Variants in KCNJ9 observed in about 807,000 individuals in gnomAD.
The protein encoded by KCNJ9 is potassium inwardly rectifying channel subfamily J member 9, also known as G protein-activated inward rectifier potassium channel 3.
KCNJ9 carries 18 observed loss-of-function variants against 27.9 expected under a neutral mutation model. That is an observed-to-expected ratio of 0.65 (90% CI 0.45 to 0.96). The LOEUF (loss-of-function observed/expected upper bound fraction) is 0.96, where lower values mean the gene tolerates loss of function less well. Ranked by LOEUF, KCNJ9 falls within the 40% of genes least tolerant of loss-of-function variation. The pLI is 0.00. For synonymous variants in KCNJ9, 229 were observed against 248.2 expected (o/e 0.92, Z 0.73); for missense variants, 324 against 557.5 (o/e 0.58, Z 4.22).
chr1:160,085,394 C>A (rs1038870927), intron 2 of KCNJ9, among the ~76,000 whole-genome samples: 35 of 152,278 alleles, frequency 2.3e-4, no homozygotes, highest in African/African-American at 7.9e-4. Flanking sequence ...TTAGTGGTCC[C>A]GAGTTGGAAG....
In KCNJ9 at chr1:160,084,955, G is replaced by C; in HGVS notation, c.850+75G>C. The stretch of plus-strand genomic sequence containing the variant: ...ACCGAGGAAGGCAGGGGCGAGACTA[G>C]GGGCCAGGGGAGCTGGGGAGGATGG... On this transcript the variant is annotated intron_variant, in intron 2 of 2. Coordinates refer to ENST00000368088, the MANE Select transcript of KCNJ9 (RefSeq NM_004983.3). 2.1e-6 allele frequency: 3 copies of C among 1,423,870 alleles called. No homozygotes were observed. The African/African-American group carries it at 4.3e-5, about 20-fold the overall frequency. The allele number at this position is 1,423,870 out of a possible 1,614,324, so 88.2% of individuals were successfully genotyped here.
intron 1 of KCNJ9, 122 bp downstream of exon 1, chr1:160,081,819 C>T (rs1570944678): frequency 6.6e-6 from 1 of 152,284 alleles, no homozygotes; most frequent in East Asian, 1.9e-4. Context: ...AATGAGCCCC[C>T]TTACTCCCCA....
chr1:160,087,308 AC>A (rs1649792886), intron 2 of KCNJ9, among the ~76,000 whole-genome samples, 177 bp from the exon 3 acceptor site: 1 of 152,092 alleles, frequency 6.6e-6, no homozygotes, highest in East Asian at 1.9e-4. Flanking sequence ...TGGAGAAGAC[AC>A]GAGGGAGCTG....
At chr1:160,082,622 G>A (rs774488638) in intron 1 of KCNJ9, among the ~76,000 whole-genome samples, 3 of 152,150 alleles carry the variant, frequency 2.0e-5, no homozygotes, top group Non-Finnish European at 4.4e-5. Context: ...CCCAGGACCT[G>A]GTCAACCATC....
intron 2 of KCNJ9, 64 bp from the exon 3 acceptor site, chr1:160,087,422 G>C (rs946320373): frequency 6.5e-6 from 10 of 1,531,320 alleles, no homozygotes; most frequent in Non-Finnish European, 8.8e-6. Context: ...TAGGGTTGTG[G>C]AATGAGAAGA....
intron 2 of KCNJ9, among the ~76,000 whole-genome samples, chr1:160,085,560 A>ATT (rs1162244589): frequency 2.0e-5 from 3 of 152,274 alleles, no homozygotes; most frequent in Admixed American, 2.0e-4. Flanking sequence ...CAATTCATCC[A>ATT]TTTCCACTGA....
chr1:160,087,697 C>A lies in KCNJ9; in HGVS notation c.1062C>A (p.Pro354=). The A allele has an allele frequency of 6.9e-7, 1 of 1,456,960 alleles. No individual in the cohort carries two copies. 90.3% of individuals were successfully genotyped at this position (1,456,960 alleles called of 1,614,324 possible). Reference sequence around the variant, plus strand: ...ATGCCCATCTCTACTGGTCCATCCCCAGCCGGCTGGATGAGAAGGTGGAGG... The same window carrying A: ...ATGCCCATCTCTACTGGTCCATCCCAAGCCGGCTGGATGAGAAGGTGGAGG... ...RLDAHLYWSI[P]SRLDEKVEEE... is the part of the protein sequence containing the mutation. Residue 354 remains proline (P), a synonymous_variant, in exon 3 of 3, where the codon CCC becomes CCA. Coordinates refer to ENST00000368088, the MANE Select transcript of KCNJ9 (RefSeq NM_004983.3).
In KCNJ9 at chr1:160,087,794, C is replaced by T. The variant is rs1199291130; in HGVS notation, c.1159C>T (p.Pro387Ser). 1 of 1,511,482 alleles carries T rather than the reference C, an allele frequency of 6.6e-7. No homozygotes were observed. 93.6% of individuals were successfully genotyped at this position (1,511,482 alleles called of 1,614,324 possible). Residue 387 changes from proline to serine, a missense_variant, in exon 3 of 3, where the codon CCA (proline) becomes TCA (serine). Pro to Ser is a moderately conservative substitution (Grantham distance 74). This residue lies in a region of KCNJ9 where 51 missense variants were observed against 44.1 expected (regional missense o/e 1.16). Coordinates refer to ENST00000368088, the MANE Select transcript of KCNJ9 (RefSeq NM_004983.3). ...GGAGCAGAATGGCTGCCTGCCACCC[C>T]CAGAGAGTGAGTCCAAGGTGTGACC... ...DKEQNGCLPP[P>S]ESESKV
intron 1 of KCNJ9, among the ~76,000 whole-genome samples, chr1:160,082,868 C>G (rs1649707074): frequency 6.6e-6 from 1 of 151,616 alleles, no homozygotes; most frequent in Non-Finnish European, 1.5e-5. Flanking sequence ...GAGAGCTCCT[C>G]AGAGGCAAGC....
chr1:160,086,789 G>T (rs532799475), intron 2 of KCNJ9, among the ~76,000 whole-genome samples: 1 of 152,344 alleles, frequency 6.6e-6, no homozygotes, highest in African/African-American at 2.4e-5. Context: ...GCAGGCCACA[G>T]TTGGAAAATT....
Position 160,084,560 on chromosome 1 carries a change from C to T in KCNJ9, c.530C>T (p.Ala177Val). Residue 177 changes from alanine (A) to valine (V), a missense_variant, in exon 2 of 3, where the codon GCC (alanine) becomes GTC (valine). Physicochemically the swap from Ala to Val is moderately conservative, Grantham distance 64 (BLOSUM62 0). Coordinates refer to ENST00000368088, the MANE Select transcript of KCNJ9 (RefSeq NM_004983.3). ...GCCACGCTCGTCTTCTCCTCGCACG[C>T]CGTGGTGTCGCTGCGCGACGGGCGC... is the stretch of plus-strand genomic sequence containing the variant. ...RAATLVFSSH[A>V]VVSLRDGRLC... 1 of 1,611,514 alleles carries T rather than the reference C, an allele frequency of 6.2e-7. No individual in the cohort carries two copies. The highest frequency in any genetic ancestry group is 2.2e-5 in the East Asian group (1 of 44,812).
intron 2 of KCNJ9, among the ~76,000 whole-genome samples, chr1:160,086,775 C>T (rs942218953): frequency 6.6e-5 from 10 of 152,112 alleles, no homozygotes; most frequent in Admixed American, 3.9e-4. Context: ...CTCTTATGCA[C>T]GGAGCAGGCC....
chr1:160,082,474 C>T (rs1383534441), intron 1 of KCNJ9, among the ~76,000 whole-genome samples: 1 of 152,182 alleles, frequency 6.6e-6, no homozygotes, highest in Non-Finnish European at 1.5e-5. Flanking sequence ...TTTGATTTCT[C>T]TTCCTACCTT....
At position 160,087,586 on chromosome 1, in the gene KCNJ9, G is replaced by A. The variant is rs1222318226; in HGVS notation, c.951G>A (p.Val317=). ...VLTLEDGFYE[V]DYASFHETFE... ...CTCTGGAGGACGGCTTCTACGAAGT[G>A]GACTATGCCAGCTTTCACGAGACTT... is the stretch of plus-strand genomic sequence containing the variant. Residue 317 remains valine, a synonymous_variant, in exon 3 of 3, where the codon GTG becomes GTA. Transcript: ENST00000368088. The A allele has an allele frequency of 1.2e-6, 2 of 1,613,928 alleles. No homozygotes were observed. The highest frequency in any genetic ancestry group is 2.2e-5 in the South Asian group (2 of 91,078).
In KCNJ9 at chr1:160,084,685, G is replaced by T; in HGVS notation, c.655G>T (p.Glu219Ter). 6.3e-7 allele frequency: 1 copy of T among 1,593,666 alleles called. No individual in the cohort carries two copies. The highest frequency in any genetic ancestry group is 2.3e-5 in the East Asian group (1 of 43,784). The change falls in exon 2 of 3, where the codon GAG (glutamate) becomes TAG (stop). Residue 219 changes from glutamate (E) to a stop codon, truncating the protein, a stop_gained. Transcript: ENST00000368088. LOFTEE classifies it high-confidence loss of function. The part of the protein sequence containing the change: ...LIRSRQTLEG[E>*]FIPLHQTDLS... ...CCGCTCGCGCCAGACGCTGGAGGGCGAGTTCATCCCGCTGCACCAGACCGA... is the reference window on the plus strand; with the variant it reads ...CCGCTCGCGCCAGACGCTGGAGGGCTAGTTCATCCCGCTGCACCAGACCGA...
In KCNJ9 at chr1:160,084,226, C is replaced by T; in HGVS notation, c.196C>T (p.Leu66=). Residue 66 remains leucine (L), a synonymous_variant, in exon 2 of 3, where the codon CTG becomes TTG. Transcript: ENST00000368088. ...QWRLSLLFFV[L]AYALTWLFFG... is the part of the protein sequence containing the mutation. Reference sequence around the variant, plus strand: ...GCGCCTCAGCCTGTTGTTCTTCGTCCTGGCCTACGCGCTCACCTGGCTCTT... The same window carrying T: ...GCGCCTCAGCCTGTTGTTCTTCGTCTTGGCCTACGCGCTCACCTGGCTCTT... 6.2e-7 allele frequency: 1 copy of T among 1,613,324 alleles called. No homozygotes were observed.
chr1:160,082,763 T>C (rs1461468280), intron 1 of KCNJ9, among the ~76,000 whole-genome samples: 1 of 152,188 alleles, frequency 6.6e-6, no homozygotes, highest in Non-Finnish European at 1.5e-5. Context: ...CCAAATCCTA[T>C]TCTAAACCTT....
Position 160,087,955 on chromosome 1 carries a change from G to A in KCNJ9, c.*138G>A, listed in dbSNP as rs1008101214. On this transcript the variant is annotated 3_prime_UTR_variant, in exon 3 of 3. Transcript: ENST00000368088. ...AATGTGCTAAAGTTGGAAAGTCCCC[G>A]TCCCCCAGAACCTCAAGTCTAGAAA... 31 of 839,018 alleles carry A rather than the reference G, an allele frequency of 3.7e-5. No homozygotes were observed. Among genetic ancestry groups the A allele is most frequent in the South Asian group, 6.6e-5 (2 of 30,116 alleles). 52.0% of individuals were successfully genotyped at this position (839,018 alleles called of 1,614,324 possible). A position where few individuals can be genotyped will look rare whatever the true frequency, so the allele number is the denominator to read the frequency against.
In KCNJ9 at chr1:160,083,986, C is replaced by G. The variant is rs1052706006; in HGVS notation, c.-45C>G. On this transcript the variant is annotated 5_prime_UTR_variant, in exon 2 of 3. Transcript: ENST00000368088. ...GGCAGGTGGCAGCAGCTCGGGCCCC[C>G]GCCGCACTCCAGGCGCCCGCAGCGC... 6 of 1,228,854 alleles carry G rather than the reference C, an allele frequency of 4.9e-6. No homozygotes were observed. In the East Asian group the frequency reaches 2.0e-4, roughly 42 times the overall value. The allele number at this position is 1,228,854 out of a possible 1,614,324, so 76.1% of individuals were successfully genotyped here.
Sources: gnomAD v4.1 joint callset for allele counts (sites outside exome capture counted in the v4.1 genomes callset) on GRCh38, gnomAD v4.1.1 for gene constraint, gnomAD v4.1.1 regional missense constraint, MANE v1.5 for transcripts, NCBI Gene and HGNC (gene_info 2026-07-23, HGNC 2026-07-21) for gene names.